Variants in PPOX observed in about 807,000 individuals in gnomAD.
PPOX encodes protoporphyrinogen oxidase, also known as variegate porphyria.
A neutral mutation model predicts 54.1 loss-of-function variants in PPOX; 23 were observed. That is an observed-to-expected ratio of 0.43 (90% CI 0.31 to 0.60). The LOEUF is 0.60. PPOX is among the 20% of genes least tolerant of loss of function. The pLI, the probability that PPOX is intolerant of heterozygous loss-of-function variation, is 0.13. For missense variants in PPOX, 512 were observed against 601.1 expected, an observed-to-expected ratio of 0.85 and a Z score of 1.55; for synonymous variants, 224 against 236.1, an observed-to-expected ratio of 0.95 and a Z score of 0.47.
chr1:161,169,247 C>T, intron 7 of PPOX, 64 bp downstream of exon 7: 1 of 1,580,354 alleles, frequency 6.3e-7, no homozygotes, highest in Non-Finnish European at 8.6e-7. Context: ...AGTGGCTTAA[C>T]TAGGCCAGGG....
chr1:161,176,233 CAG>C (rs1663465529), intron 4 of PPOX: 2 of 805,714 alleles, frequency 2.5e-6, no homozygotes, highest in Non-Finnish European at 3.8e-6. Flanking sequence ...CGCAAGGAAA[CAG>C]AATGTAACCA....
At chr1:161,177,052 CTCTACCTTT>C, downstream of PPOX, 1 of 1,535,924 alleles carries the variant, frequency 6.5e-7, no homozygotes. Flanking sequence ...GGGTGGCGTC[CTCTACCTTT>C]TCTACCTTTC....
downstream of PPOX, among the ~76,000 whole-genome samples, chr1:161,174,363 G>A (rs1247664811): frequency 4.0e-5 from 6 of 149,980 alleles, no homozygotes; most frequent in South Asian, 2.1e-4. Context: ...AGCCGAGATC[G>A]TGCCACTGCA....
At position 161,176,844 on chromosome 1, in the gene PPOX, C is replaced by T. The variant is rs1391561591; in HGVS notation, c.373-5C>T. 4.6e-6 allele frequency: 7 copies of T among 1,534,834 alleles called. No individual in the cohort carries two copies. In the East Asian group the frequency reaches 1.2e-4, roughly 27 times the overall value. ...ACAGCTAATGGAAACATTGTTTTCCCCCAGACCAAGAACCAGTTGAAGTGG... is the reference window on the plus strand; with the variant it reads ...ACAGCTAATGGAAACATTGTTTTCCTCCAGACCAAGAACCAGTTGAAGTGG... On this transcript the variant is annotated splice_polypyrimidine_tract_variant and splice_region_variant and intron_variant, in intron 4 of 4. Transcript: ENST00000497522.
At chr1:161,173,828 C>T, downstream of PPOX, 1 of 1,610,186 alleles carries the variant, frequency 6.2e-7, no homozygotes, top group Middle Eastern at 1.7e-4. Flanking sequence ...GTAGGCTTCC[C>T]TGTTTCCCAG....
In PPOX at chr1:161,167,449, G is replaced by A. The variant is rs751604188; in HGVS notation, c.301G>A (p.Val101Met). 1 of 1,612,780 alleles carries A rather than the reference G, an allele frequency of 6.2e-7. No individual in the cohort carries two copies. The highest frequency in any genetic ancestry group is 8.5e-7 in the Non-Finnish European group (1 of 1,179,976). The change falls in exon 4 of 13, where the codon GTG (valine) becomes ATG (methionine). Residue 101 changes from valine (V) to methionine (M), a missense_variant. Coordinates refer to ENST00000367999, the MANE Select transcript of PPOX (RefSeq NM_001122764.3). ...AGCTGCCCAGAACAGGTTCCTCTAC[G>A]TGGGCGGTGCCCTGCATGCCCTACC... Reference protein sequence around the residue: ...HPAAQNRFLYVGGALHALPTG... With the variant: ...HPAAQNRFLYMGGALHALPTG...
downstream of PPOX, chr1:161,174,901 T>G: frequency 7.3e-7 from 1 of 1,363,794 alleles, no homozygotes; most frequent in Non-Finnish European, 1.0e-6. Context: ...TTAAAATTAT[T>G]CTAGGGACCC....
At chr1:161,169,369 G>A in intron 7 of PPOX, 186 bp downstream of exon 7, 1 of 753,776 alleles carries the variant, frequency 1.3e-6, no homozygotes, top group East Asian at 2.7e-5. Context: ...GCCTATGCAA[G>A]TCTGTGGATA....
downstream of PPOX, chr1:161,172,115 G>A: frequency 2.5e-6 from 4 of 1,612,558 alleles, no homozygotes; most frequent in Non-Finnish European, 3.4e-6. Flanking sequence ...TGGAGACTAA[G>A]ACCCAGAAAG....
intron 8 of PPOX, 32 bp downstream of exon 8, chr1:161,169,752 C>A: frequency 6.2e-7 from 1 of 1,613,874 alleles, no homozygotes; most frequent in Non-Finnish European, 8.5e-7. Flanking sequence ...CCTTCCCCAA[C>A]CCCTACCAGT....
downstream of PPOX, chr1:161,175,938 A>G (rs776199876): frequency 6.2e-7 from 1 of 1,614,114 alleles, no homozygotes; most frequent in Non-Finnish European, 8.5e-7. Flanking sequence ...TCGGTCCCTG[A>G]TCTCGGCCAA....
At chr1:161,167,883 C>T in intron 4 of PPOX, 112 bp from the exon 5 acceptor site, 1 of 1,546,352 alleles carries the variant, frequency 6.5e-7, no homozygotes, top group Non-Finnish European at 8.9e-7. Flanking sequence ...TTCTTCATCT[C>T]CCTGTCAGCC....
chr1:161,176,087 A>T (rs933647940), downstream of PPOX: 4 of 1,611,132 alleles, frequency 2.5e-6, no homozygotes, highest in Admixed American at 6.7e-5. Flanking sequence ...AGGGAGGGAG[A>T]GGGGAATTCT....
At position 161,168,492 on chromosome 1, in the gene PPOX, C is replaced by G. The variant is rs757473753; in HGVS notation, c.532C>G (p.Leu178Val). The change falls in exon 6 of 13, where the codon CTC becomes GTC. Residue 178 changes from leucine (L) to valine (V), a missense_variant. Transcript: ENST00000367999. Reference sequence around the variant, plus strand: ...AGTGTTTGCAGGCAACAGCCGTGAGCTCAGCATCAGGTCCTGCTTTCCCAG... The same window carrying G: ...AGTGTTTGCAGGCAACAGCCGTGAGGTCAGCATCAGGTCCTGCTTTCCCAG... ...RGVFAGNSRE[L>V]SIRSCFPSLF... The G allele has an allele frequency of 2.5e-6, 4 of 1,614,050 alleles. No individual in the cohort carries two copies. The highest frequency in any genetic ancestry group is 2.5e-6 in the Non-Finnish European group (3 of 1,180,028).
chr1:161,172,495 A>G, downstream of PPOX: 1 of 637,082 alleles, frequency 1.6e-6, no homozygotes. Context: ...GCTGAAGAGA[A>G]TATAAAAGCT....
At chr1:161,177,137 CAG>C, downstream of PPOX, 1 of 1,456,968 alleles carries the variant, frequency 6.9e-7, no homozygotes, top group African/African-American at 1.4e-5. Context: ...AGAGCAGGGG[CAG>C]AGACAGTCAG....
Position 161,166,824 on chromosome 1 carries a change from G to A in PPOX, c.-8-16G>A, listed in dbSNP as rs1558017736. Reference sequence around the variant, plus strand: ...TGTCCCCGGTCTGCCTGTCCATATCGCCCCCTTTCCCCCAGGTTTCCGCAT... The same window carrying A: ...TGTCCCCGGTCTGCCTGTCCATATCACCCCCTTTCCCCCAGGTTTCCGCAT... On this transcript the variant is annotated splice_polypyrimidine_tract_variant and intron_variant, in intron 1 of 12. Coordinates refer to ENST00000367999, the MANE Select transcript of PPOX (RefSeq NM_001122764.3). 5 of 1,611,886 alleles carry A rather than the reference G, an allele frequency of 3.1e-6. No individual in the cohort carries two copies. Among genetic ancestry groups the A allele is most frequent in the Non-Finnish European group, 1.7e-6 (2 of 1,179,878 alleles).
chr1:161,170,693 A>T lies in PPOX; in HGVS notation c.1172A>T (p.Gln391Leu). 1 of 1,614,176 alleles carries T rather than the reference A, an allele frequency of 6.2e-7. No homozygotes were observed. Among genetic ancestry groups the T allele is most frequent in the South Asian group, 1.1e-5 (1 of 91,090 alleles). ...GTCTTATCTCAGGAGCTGTTTCAAC[A>T]GCGGGCCCAGGAAGCAGCTGCTACA... ...GCVLSQELFQ[Q>L]RAQEAAATQL... The change falls in exon 11 of 13, where the codon CAG (glutamine) becomes CTG (leucine). Residue 391 changes from glutamine to leucine, a missense_variant. Gln to Leu is a moderately radical substitution (Grantham distance 113). Coordinates refer to ENST00000367999, the MANE Select transcript of PPOX (RefSeq NM_001122764.3).
At chr1:161,167,560 T>TC in intron 4 of PPOX, 74 bp downstream of exon 4, 2 of 836,168 alleles carry the variant, frequency 2.4e-6, no homozygotes, top group South Asian at 2.5e-5. Context: ...TTCTTTTCTT[T>TC]TTTTTTTTTT....
Sources: gnomAD v4.1 joint callset for allele counts (sites outside exome capture counted in the v4.1 genomes callset) on GRCh38, gnomAD v4.1.1 for gene constraint, MANE v1.5 for transcripts, NCBI Gene and HGNC (gene_info 2026-07-23, HGNC 2026-07-21) for gene names.